Variants in GALNT17 observed in about 807,000 individuals in gnomAD.
GALNT17 encodes the protein UDP-GalNAc:polypeptide N-acetylgalactosaminyltransferase-like 3.
GALNT17 carries 29 observed loss-of-function variants against 63.7 expected under a neutral mutation model. The ratio of observed to expected loss-of-function variants is 0.46; its 90% CI spans 0.34 to 0.62. GALNT17 has a LOEUF of 0.62. Ranked by LOEUF, GALNT17 falls within the 20% of genes least tolerant of loss-of-function variation. The pLI is 0.01. For synonymous variants in GALNT17, 305 were observed against 318.3 expected, an observed-to-expected ratio of 0.96 and a Z score of 0.45; for missense variants, 603 against 799.6, an observed-to-expected ratio of 0.75 and a Z score of 2.97.
At position 71,132,960 on chromosome 7, in the gene GALNT17, C is replaced by T; in HGVS notation, c.158C>T (p.Ala53Val). ...RPRAEVANLS[A>V]HSASPIQDAV... is the part of the protein sequence containing the mutation. Reference sequence around the variant, plus strand: ...CGCGCCGAGGTGGCCAACCTCAGCGCGCACAGCGCCAGCCCCATCCAGGAT... The same window carrying T: ...CGCGCCGAGGTGGCCAACCTCAGCGTGCACAGCGCCAGCCCCATCCAGGAT... Residue 53 changes from alanine (A) to valine (V), a missense_variant, in exon 1 of 11, where the codon GCG (alanine) becomes GTG (valine). Ala to Val is a moderately conservative substitution (Grantham distance 64, BLOSUM62 0). Coordinates refer to ENST00000333538, the MANE Select transcript of GALNT17 (RefSeq NM_022479.3). The T allele has an allele frequency of 6.2e-7, 1 of 1,609,970 alleles. No individual in the cohort carries two copies. Among genetic ancestry groups the T allele is most frequent in the African/African-American group, 1.3e-5 (1 of 75,016 alleles).
chr7:71,646,397 G>A (rs1353308064), intron 6 of GALNT17, among the ~76,000 whole-genome samples: 1 of 152,198 alleles, frequency 6.6e-6, no homozygotes, highest in East Asian at 1.9e-4. Context: ...TGGAGCACCA[G>A]CAGCCCCAGC....
chr7:71,317,385 G>T (rs985025082), intron 1 of GALNT17, among the ~76,000 whole-genome samples: 1 of 152,222 alleles, frequency 6.6e-6, no homozygotes, highest in African/African-American at 2.4e-5. Context: ...GGTATAAGAT[G>T]TTGCAGACGT....
In GALNT17 at chr7:71,141,699, CAG is replaced by C. The variant is rs964266406; in HGVS notation, c.238+8662_238+8663del. ...TCTTTCTTTTTTTTTTTTTTTGAAA[CAG>C]AGTCTCGCTCTGTTACCCAGGCTGG... On this transcript the variant is annotated intron_variant, in intron 1 of 10. Coordinates refer to ENST00000333538, the MANE Select transcript of GALNT17 (RefSeq NM_022479.3). 9.2e-5 allele frequency among the ~76,000 whole-genome samples: 12 copies of C among 130,412 alleles called. No individual in the cohort carries two copies. The South Asian group carries it at 2.6e-3, about 28-fold the overall frequency. The allele number at this position is 130,412 out of a possible 152,430, so 85.6% of individuals were successfully genotyped here. A position where few individuals can be genotyped will look rare whatever the true frequency, so the allele number is the denominator to read the frequency against.
intron 1 of GALNT17, among the ~76,000 whole-genome samples, chr7:71,239,963 T>TA (rs1285397246): frequency 6.6e-6 from 1 of 152,194 alleles, no homozygotes; most frequent in East Asian, 1.9e-4. Flanking sequence ...TGTCCTATAT[T>TA]ACATTTGAGT....
intron 1 of GALNT17, among the ~76,000 whole-genome samples, chr7:71,250,661 G>A (rs1790181474): frequency 6.6e-6 from 1 of 152,128 alleles, no homozygotes; most frequent in Non-Finnish European, 1.5e-5. Context: ...AACTCATTTA[G>A]TTCAGAATAT....
chr7:71,249,814 G>A (rs963121837), intron 1 of GALNT17, among the ~76,000 whole-genome samples: 2 of 152,214 alleles, frequency 1.3e-5, no homozygotes, highest in African/African-American at 4.8e-5. Context: ...CTCGCTTCGC[G>A]AAGCCATCCA....
chr7:71,576,136 C>A (rs1017171205), intron 6 of GALNT17, among the ~76,000 whole-genome samples: 1 of 152,166 alleles, frequency 6.6e-6, no homozygotes, highest in Non-Finnish European at 1.5e-5. Flanking sequence ...AAAAGGCATT[C>A]TCTTCTTCTG....
intron 1 of GALNT17, among the ~76,000 whole-genome samples, chr7:71,145,077 G>C (rs1425312121): frequency 6.6e-6 from 1 of 152,090 alleles, no homozygotes; most frequent in Non-Finnish European, 1.5e-5. Context: ...CTGGAGAATT[G>C]GGGTCATGGA....
chr7:71,321,804 T>A (rs573402242), intron 1 of GALNT17, among the ~76,000 whole-genome samples: 2 of 151,160 alleles, frequency 1.3e-5, no homozygotes, highest in South Asian at 4.2e-4. Flanking sequence ...AATGCTCAGA[T>A]TACAGGCACG....
At chr7:71,603,528 A>G (rs2116938841) in intron 6 of GALNT17, among the ~76,000 whole-genome samples, 1 of 152,218 alleles carries the variant, frequency 6.6e-6, no homozygotes, top group South Asian at 2.1e-4. Context: ...CTGAGTGCAT[A>G]TGCTGGATAC....
intron 1 of GALNT17, chr7:71,284,090 T>A (rs1271146620): frequency 3.3e-5 from 5 of 152,244 alleles, no homozygotes; most frequent in Admixed American, 6.5e-5. Flanking sequence ...CTGTGGAAGC[T>A]TTGTTTTTTC....
intron 5 of GALNT17, among the ~76,000 whole-genome samples, chr7:71,522,854 G>A (rs141906663): frequency 6.6e-6 from 1 of 152,250 alleles, no homozygotes; most frequent in East Asian, 1.9e-4. Flanking sequence ...CTAGCCAATG[G>A]TTCTCAAAAT....
chr7:71,278,336 A>G (rs1181241159), intron 1 of GALNT17, among the ~76,000 whole-genome samples: 3 of 152,226 alleles, frequency 2.0e-5, no homozygotes, highest in African/African-American at 7.2e-5. Context: ...TCTAGAGCCT[A>G]GAAGTCTGAA....
intron 9 of GALNT17, among the ~76,000 whole-genome samples, chr7:71,708,670 A>G (rs918064542): frequency 6.6e-6 from 1 of 152,226 alleles, no homozygotes; most frequent in Non-Finnish European, 1.5e-5. Flanking sequence ...GGTAGTAAGC[A>G]TAATACCCAA....
intron 6 of GALNT17, among the ~76,000 whole-genome samples, chr7:71,651,496 G>C (rs1790754501): frequency 6.6e-6 from 1 of 152,018 alleles, no homozygotes; most frequent in Admixed American, 6.6e-5. Flanking sequence ...TAGACACGGG[G>C]TTTCACCATG....
chr7:71,282,451 C>G (rs754089980), intron 1 of GALNT17, among the ~76,000 whole-genome samples: 1 of 152,206 alleles, frequency 6.6e-6, no homozygotes, highest in Non-Finnish European at 1.5e-5. Flanking sequence ...TCTTTGCCCC[C>G]GCAAGGCTAG....
chr7:71,356,299 G>A (rs762342287), intron 2 of GALNT17, among the ~76,000 whole-genome samples: 3 of 152,116 alleles, frequency 2.0e-5, no homozygotes, highest in Non-Finnish European at 4.4e-5. Flanking sequence ...CACAAGATTT[G>A]TAGTTCAAAG....
chr7:71,523,302 G>A (rs1038646555), intron 5 of GALNT17, among the ~76,000 whole-genome samples: 11 of 152,142 alleles, frequency 7.2e-5, no homozygotes, highest in East Asian at 1.9e-4. Context: ...GGTGGCGCAC[G>A]CCTGTGGCCC....
Position 71,647,229 on chromosome 7 carries a change from A to ATTT in GALNT17, c.1081-18173_1081-18171dup, listed in dbSNP as rs5884850. On this transcript the variant is annotated intron_variant, in intron 6 of 10. Coordinates refer to ENST00000333538, the MANE Select transcript of GALNT17 (RefSeq NM_022479.3). ...CAGGTGCCCACCACTGTGCCCAGCT[A>ATTT]TTTTTTTTTTTGTATTTTTAGTAGA... Among the ~76,000 whole-genome samples, 429 of 137,522 alleles carry ATTT rather than the reference A, an allele frequency of 3.1e-3. 3 individuals carry two copies. Among genetic ancestry groups the ATTT allele is most frequent in the East Asian group, 6.5e-3 (32 of 4,896 alleles). The allele number at this position is 137,522 out of a possible 152,430, so 90.2% of individuals were successfully genotyped here.
Sources: gnomAD v4.1 joint callset for allele counts (sites outside exome capture counted in the v4.1 genomes callset) on GRCh38, gnomAD v4.1.1 for gene constraint, MANE v1.5 for transcripts, NCBI Gene and HGNC (gene_info 2026-07-23, HGNC 2026-07-21) for gene names.